TBC1D25: variants seen among roughly 807,000 people sequenced by gnomAD.
The protein encoded by TBC1D25 is TBC1 domain family member 25, also known as 5SN3 snoRNA.
A neutral mutation model predicts 38.8 loss-of-function variants in TBC1D25; 13 were observed. The ratio of observed to expected loss-of-function variants is 0.34; its 90% CI spans 0.22 to 0.53. TBC1D25 has a LOEUF of 0.53. TBC1D25 is among the 20% of genes least tolerant of loss of function. The pLI, the probability that TBC1D25 is intolerant of heterozygous loss-of-function variation, is 0.94. For missense variants in TBC1D25, 372 were observed against 600.0 expected, an observed-to-expected ratio of 0.62 and a Z score of 3.97; for synonymous variants, 225 against 255.6, an observed-to-expected ratio of 0.88 and a Z score of 1.14.
chrX:48,548,073 G>A (rs782006818), intron 3 of TBC1D25, among the ~76,000 whole-genome samples: 1 of 108,503 alleles, frequency 9.2e-6, no homozygotes, highest in Admixed American at 9.9e-5. Flanking sequence ...TTTAATCATT[G>A]TAGTAGTTTG....
rs183917651 is a variant in TBC1D25 at position 48,555,594 on chromosome X, T to G, written c.389-3303T>G. Among the ~76,000 whole-genome samples the G allele has an allele frequency of 4.5e-5, 5 of 110,851 alleles. No individual in the cohort carries two copies. The Admixed American group carries it at 4.8e-4, about 11-fold the overall frequency. On this transcript the variant is annotated intron_variant, in intron 3 of 5. Coordinates refer to ENST00000376771, the MANE Select transcript of TBC1D25 (RefSeq NM_002536.4). ...GGAGACGAGAGATTGAGAAAAGAAA[T>G]AAGACACAGAGACAAAGTATAGAGA... is the stretch of plus-strand genomic sequence containing the variant.
chrX:48,560,885 C>T lies in TBC1D25; in HGVS notation c.1977C>T (p.Val659=). 1 of 1,212,204 alleles carries T rather than the reference C, an allele frequency of 8.2e-7. No individual in the cohort carries two copies. The highest frequency in any genetic ancestry group is 1.8e-5 in the South Asian group (1 of 57,075). The change falls in exon 6 of 6, where the codon GTC becomes GTT. Residue 659 remains valine (V), a synonymous_variant. Coordinates refer to ENST00000376771, the MANE Select transcript of TBC1D25 (RefSeq NM_002536.4). ...TGCGAAAACACCACCTGGGGCGCGT[C>T]CTGCGCCGGGCTAGGGCTCTCTTTG... is the stretch of plus-strand genomic sequence containing the variant. ...RLVRKHHLGR[V]LRRARALFAD... is the part of the protein sequence containing the mutation.
Position 48,559,092 on chromosome X carries a change from G to A in TBC1D25, c.517-66G>A. 5 of 1,203,174 alleles carry A rather than the reference G, an allele frequency of 4.2e-6. No individual in the cohort carries two copies. The South Asian group carries it at 9.0e-5, about 22-fold the overall frequency. On this transcript the variant is annotated intron_variant, in intron 4 of 5. Transcript: ENST00000376771. ...AGAGCCTTCCTGGCACCCTGGTTCT[G>A]AGCATGCTGGTTGGCATCTGCCCCT...
At chrX:48,554,251 A>C (rs2061958895) in intron 3 of TBC1D25, among the ~76,000 whole-genome samples, 1 of 106,325 alleles carries the variant, frequency 9.4e-6, no homozygotes, top group South Asian at 4.5e-4. Context: ...CTTTATTCTT[A>C]GAATTTGGGC....
intron 1 of TBC1D25, among the ~76,000 whole-genome samples, chrX:48,540,343 T>G (rs2061828929): frequency 9.0e-6 from 1 of 111,487 alleles, no homozygotes; most frequent in Admixed American, 9.6e-5. Context: ...TGGAGACAAC[T>G]AAAGAAATGA....
chrX:48,559,669 G>A lies in TBC1D25; in HGVS notation c.761G>A (p.Arg254Gln). 3 of 1,211,847 alleles carry A rather than the reference G, an allele frequency of 2.5e-6. No homozygotes were observed. The highest frequency in any genetic ancestry group is 3.4e-6 in the Non-Finnish European group (3 of 895,505). ...VYPDGLTGRERMDYMKRKSRE... is the reference protein window; with the variant it reads ...VYPDGLTGREQMDYMKRKSRE... ...CCAGATGGACTGACAGGCCGAGAGC[G>A]GATGGACTACATGAAACGCAAGAGC... The change falls in exon 6 of 6, where the codon CGG (arginine) becomes CAG (glutamine). Residue 254 changes from arginine (R) to glutamine (Q), a missense_variant. Arg to Gln is a conservative substitution (Grantham distance 43). Coordinates refer to ENST00000376771, the MANE Select transcript of TBC1D25 (RefSeq NM_002536.4).
Position 48,561,988 on chromosome X carries a change from G to A in TBC1D25, c.*1013G>A, listed in dbSNP as rs1164822766. ...AAACAACAAGCACTGATAAAACGCA[G>A]GCCCTAATAGAATTCACTTCGTTAT... On this transcript the variant is annotated 3_prime_UTR_variant, in exon 6 of 6. Transcript: ENST00000376771. 1 of 112,256 alleles carries A rather than the reference G, an allele frequency of 8.9e-6. No homozygotes were observed. Among genetic ancestry groups the A allele is most frequent in the Non-Finnish European group, 1.9e-5 (1 of 53,253 alleles). The allele number at this position is 112,256 out of a possible 1,213,427, so 9.3% of individuals were successfully genotyped here.
chrX:48,562,329 G>T lies in TBC1D25; in HGVS notation c.*1354G>T, dbSNP rs782213599. The T allele has an allele frequency of 1.8e-5, 2 of 112,114 alleles. No homozygotes were observed. The highest frequency in any genetic ancestry group is 9.5e-5 in the Admixed American group (1 of 10,540). The allele number at this position is 112,114 out of a possible 1,213,427, so 9.2% of individuals were successfully genotyped here. The stretch of plus-strand genomic sequence containing the variant: ...AGGGCAGTCATCCCTTCTGCTGTTT[G>T]CCCCAAGAATGCCATACAAACCTGG... On this transcript the variant is annotated 3_prime_UTR_variant, in exon 6 of 6. Transcript: ENST00000376771.
At chrX:48,542,026 C>CTTTTTTTTTTTTT (rs782768482) in intron 2 of TBC1D25, among the ~76,000 whole-genome samples, 7 of 87,850 alleles carry the variant, frequency 8.0e-5, no homozygotes, top group East Asian at 3.5e-4. Flanking sequence ...CTTTTTATTT[C>CTTTTTTTTTTTTT]TTTTTTTTTT....
At chrX:48,543,483 C>T (rs1351515490) in intron 2 of TBC1D25, among the ~76,000 whole-genome samples, 4 of 106,073 alleles carry the variant, frequency 3.8e-5, no homozygotes, top group African/African-American at 1.4e-4. Context: ...GATCCACCCG[C>T]CTCAGCCTCC....
rs2062033529 is a variant in TBC1D25 at position 48,562,286 on chromosome X, C to T, written c.*1311C>T. ...GAGCTGTTGCACTAGGCAATGCTGCCAGAGATGAGGAGGCATCAGGGCAGT... is the reference window on the plus strand; with the variant it reads ...GAGCTGTTGCACTAGGCAATGCTGCTAGAGATGAGGAGGCATCAGGGCAGT... On this transcript the variant is annotated 3_prime_UTR_variant, in exon 6 of 6. Coordinates refer to ENST00000376771, the MANE Select transcript of TBC1D25 (RefSeq NM_002536.4). The T allele has an allele frequency of 8.9e-6, 1 of 111,958 alleles. No homozygotes were observed. Among genetic ancestry groups the T allele is most frequent in the South Asian group, 3.7e-4 (1 of 2,693 alleles). 9.2% of individuals were successfully genotyped at this position (111,958 alleles called of 1,213,427 possible).
intron 3 of TBC1D25, among the ~76,000 whole-genome samples, chrX:48,551,624 CT>C (rs112968271): frequency 0.51 from 51,906 of 101,719 alleles, 11,634 homozygotes; most frequent in African/African-American, 0.76. Flanking sequence ...TGCGCCCGGC[CT>C]TTTTTTTCCT....
At chrX:48,542,230 G>A (rs1273854552) in intron 2 of TBC1D25, among the ~76,000 whole-genome samples, 5 of 100,640 alleles carry the variant, frequency 5.0e-5, no homozygotes, top group Non-Finnish European at 8.0e-5. Context: ...GTGCAGTGGC[G>A]CAGTCTCAGC....
Position 48,561,749 on chromosome X carries a change from A to G in TBC1D25, c.*774A>G, listed in dbSNP as rs782708220. On this transcript the variant is annotated 3_prime_UTR_variant, in exon 6 of 6. Transcript: ENST00000376771. Reference sequence around the variant, plus strand: ...TGTTAACAAGGTTTGAGCGAGGTGCATCTCACACAAGTGTGAAAGCCCAAT... The same window carrying G: ...TGTTAACAAGGTTTGAGCGAGGTGCGTCTCACACAAGTGTGAAAGCCCAAT... 8.9e-6 allele frequency: 1 copy of G among 112,597 alleles called. No individual in the cohort carries two copies. 9.3% of individuals were successfully genotyped at this position (112,597 alleles called of 1,213,427 possible). A position where few individuals can be genotyped will look rare whatever the true frequency, so the allele number is the denominator to read the frequency against.
intron 4 of TBC1D25, 24 bp downstream of exon 4, chrX:48,559,048 C>T: frequency 8.3e-7 from 1 of 1,209,445 alleles, no homozygotes; most frequent in Non-Finnish European, 1.1e-6. Context: ...CCCTAGGGAC[C>T]CAGCTGTGGT....
intron 3 of TBC1D25, among the ~76,000 whole-genome samples, chrX:48,548,335 T>C (rs2061903593): frequency 9.1e-6 from 1 of 110,164 alleles, no homozygotes; most frequent in African/African-American, 3.3e-5. Context: ...AGGCTGGTCT[T>C]GAACTCCTGG....
intron 3 of TBC1D25, among the ~76,000 whole-genome samples, chrX:48,548,313 G>A (rs1177903736): frequency 1.8e-5 from 2 of 109,649 alleles, no homozygotes; most frequent in East Asian, 2.9e-4. Context: ...ACAGGGTTTC[G>A]CCGTGTTGCC....
At chrX:48,555,401 A>C (rs1202310887) in intron 3 of TBC1D25, among the ~76,000 whole-genome samples, 1 of 111,861 alleles carries the variant, frequency 8.9e-6, no homozygotes, top group African/African-American at 3.2e-5. Flanking sequence ...ATTTGCTTGC[A>C]AATGACAGTG....
intron 3 of TBC1D25, among the ~76,000 whole-genome samples, chrX:48,557,742 G>A (rs2061987405): frequency 9.1e-6 from 1 of 109,869 alleles, no homozygotes; most frequent in East Asian, 2.9e-4. Context: ...CCAAAAGGTG[G>A]AGTTTGTAGT....
Sources: gnomAD v4.1 joint callset for allele counts (sites outside exome capture counted in the v4.1 genomes callset) on GRCh38, gnomAD v4.1.1 for gene constraint, MANE v1.5 for transcripts, NCBI Gene and HGNC (gene_info 2026-07-23, HGNC 2026-07-21) for gene names.